The following RAB28 variants were observed in gnomAD, a reference collection of about 807,000 sequenced individuals.
RAB28 encodes the protein ras-related protein Rab-28.
Under a neutral mutation model 31.7 loss-of-function variants are expected in RAB28, and 24 were observed. The ratio of observed to expected loss-of-function variants is 0.76; its 90% CI spans 0.55 to 1.06. The LOEUF (loss-of-function observed/expected upper bound fraction) is 1.06, where lower values mean the gene tolerates loss of function less well. Among genes scored for constraint, RAB28 ranks in the 50% least tolerant of loss-of-function variants. The pLI, the probability that RAB28 is intolerant of heterozygous loss-of-function variation, is 0.00. For missense variants in RAB28, 254 were observed against 258.5 expected (o/e 0.98, Z 0.12); for synonymous variants, 100 against 90.4 (o/e 1.11, Z -0.60).
intron 4 of RAB28, among the ~76,000 whole-genome samples, chr4:13,444,478 A>G (rs1027021448): frequency 1.3e-5 from 2 of 152,214 alleles, no homozygotes; most frequent in South Asian, 4.1e-4. Context: ...TAATGCTGCA[A>G]TGAACTTGGG....
intron 4 of RAB28, among the ~76,000 whole-genome samples, chr4:13,413,299 A>G (rs1038802472): frequency 1.3e-5 from 2 of 152,226 alleles, no homozygotes; most frequent in Non-Finnish European, 2.9e-5. Flanking sequence ...TTAAAAAATC[A>G]AACTTTCCTT....
chr4:13,375,794 CAGAGAGAGAG>C (rs58965843), intron 6 of RAB28, among the ~76,000 whole-genome samples: 2,088 of 148,206 alleles, frequency 0.014, 25 homozygotes, highest in Middle Eastern at 0.046. Context: ...CACACACACA[CAGAGAGAGAG>C]AGAGACCATG....
intron 6 of RAB28, 42 bp from the exon 7 acceptor site, chr4:13,368,692 CATTTAGAAA>C (rs1467045611): frequency 1.3e-6 from 2 of 1,538,370 alleles, no homozygotes; most frequent in South Asian, 2.3e-5. Flanking sequence ...GATATCAGAA[CATTTAGAAA>C]GAGCTCCTTA....
intron 1 of RAB28, among the ~76,000 whole-genome samples, chr4:13,483,380 C>A (rs956561674): frequency 6.6e-6 from 1 of 152,206 alleles, no homozygotes; most frequent in Admixed American, 6.5e-5. Context: ...TCCATAAACA[C>A]TTGTTGACTG....
At chr4:13,425,609 G>A (rs1413954775) in intron 4 of RAB28, among the ~76,000 whole-genome samples, 6 of 151,946 alleles carry the variant, frequency 3.9e-5, no homozygotes, top group East Asian at 1.9e-4. Context: ...CTTAGCAAAC[G>A]GCAAATTTGG....
At chr4:13,402,539 G>GAAACTCATA (rs1246072696) in intron 4 of RAB28, among the ~76,000 whole-genome samples, 6 of 152,172 alleles carry the variant, frequency 3.9e-5, no homozygotes, top group Admixed American at 3.9e-4. Flanking sequence ...TGTTAATATA[G>GAAACTCATA]TTACTTCAAC....
intron 4 of RAB28, among the ~76,000 whole-genome samples, chr4:13,415,351 C>G (rs1712696875): frequency 6.6e-6 from 1 of 152,184 alleles, no homozygotes; most frequent in African/African-American, 2.4e-5. Context: ...CCTTCCTGGG[C>G]TGGCTGAGGC....
At position 13,410,939 on chromosome 4, in the gene RAB28, G is replaced by T. The variant is rs187634027; in HGVS notation, c.392-29345C>A. ...AAGAAAGGGAGAAATAATAAAACAA[G>T]TGCACCTAAATTTTCCTGCTGATAT... On this transcript the variant is annotated intron_variant, in intron 4 of 6. Transcript: ENST00000330852. 5.9e-3 allele frequency among the ~76,000 whole-genome samples: 899 copies of T among 152,072 alleles called. 7 individuals are homozygous for T. Among genetic ancestry groups the T allele is most frequent in the South Asian group, 1.0e-2 (48 of 4,822 alleles).
chr4:13,382,920 G>C (rs1370310021), intron 4 of RAB28, among the ~76,000 whole-genome samples: 1 of 151,978 alleles, frequency 6.6e-6, no homozygotes, highest in Non-Finnish European at 1.5e-5. Context: ...GGTTGGTCTT[G>C]AATTCCTGAC....
intron 4 of RAB28, among the ~76,000 whole-genome samples, chr4:13,415,493 C>T (rs1712712383): frequency 6.6e-6 from 1 of 152,156 alleles, no homozygotes; most frequent in Admixed American, 6.5e-5. Flanking sequence ...CTCAGAGCGC[C>T]CGGCCAGCCC....
At chr4:13,468,088 A>G (rs1383420980) in intron 3 of RAB28, among the ~76,000 whole-genome samples, 1 of 151,956 alleles carries the variant, frequency 6.6e-6, no homozygotes, top group African/African-American at 2.4e-5. Flanking sequence ...ATATGCACCT[A>G]ATAAGAGGGC....
intron 4 of RAB28, among the ~76,000 whole-genome samples, chr4:13,390,491 C>T (rs886935335): frequency 7.2e-5 from 11 of 151,874 alleles, no homozygotes; most frequent in Non-Finnish European, 1.6e-4. Context: ...GCCATACTGC[C>T]CAAGGTAATT....
intron 4 of RAB28, among the ~76,000 whole-genome samples, chr4:13,418,727 T>C (rs1560285126): frequency 6.6e-6 from 1 of 152,144 alleles, no homozygotes; most frequent in Non-Finnish European, 1.5e-5. Flanking sequence ...TCACCAGGCC[T>C]CCCTTACAAG....
At chr4:13,476,059 T>C (rs1716347509) in intron 2 of RAB28, among the ~76,000 whole-genome samples, 1 of 151,558 alleles carries the variant, frequency 6.6e-6, no homozygotes, top group Non-Finnish European at 1.5e-5. Flanking sequence ...ACTTAGTAAG[T>C]GCTAAAAGGT....
chr4:13,399,407 T>C (rs897523673), intron 4 of RAB28, among the ~76,000 whole-genome samples: 6 of 152,254 alleles, frequency 3.9e-5, no homozygotes, highest in Non-Finnish European at 1.5e-5. Context: ...CCATGAATAT[T>C]CTTACTCAGT....
In RAB28 at chr4:13,417,677, T is replaced by C. The variant is rs145407737; in HGVS notation, c.392-36083A>G. Among the ~76,000 whole-genome samples, 570 of 152,172 alleles carry C rather than the reference T, an allele frequency of 3.7e-3. 1 individual carries two copies. Among genetic ancestry groups the C allele is most frequent in the Middle Eastern group, 0.01 (3 of 294 alleles). ...GGGACTGGACTCTTAGAAGGAAAAC[T>C]AACAAACAGAAAGGAACAGCATCAA... On this transcript the variant is annotated intron_variant, in intron 4 of 6. Transcript: ENST00000330852.
Position 13,484,255 on chromosome 4 carries a change from C to A in RAB28, c.-105G>T, listed in dbSNP as rs1261631408. ...GAAGGGAGGTAGTTGCGGCAGGACC[C>A]CCGCCCCGGTGTCTCCGCGCCGGCA... On this transcript the variant is annotated 5_prime_UTR_variant, in exon 1 of 7. Transcript: ENST00000330852. The A allele has an allele frequency of 1.2e-6, 1 of 868,378 alleles. No individual in the cohort carries two copies. Among genetic ancestry groups the A allele is most frequent in the Non-Finnish European group, 1.9e-6 (1 of 533,446 alleles). The allele number at this position is 868,378 out of a possible 1,614,324, so 53.8% of individuals were successfully genotyped here.
At chr4:13,480,229 T>C (rs1025907270) in intron 1 of RAB28, among the ~76,000 whole-genome samples, 4 of 151,798 alleles carry the variant, frequency 2.6e-5, no homozygotes, top group African/African-American at 7.2e-5. Context: ...CTGAAAGTTT[T>C]AGTCAAAAAC....
chr4:13,384,754 A>C (rs1478272230), intron 4 of RAB28, among the ~76,000 whole-genome samples: 1 of 152,226 alleles, frequency 6.6e-6, no homozygotes, highest in Non-Finnish European at 1.5e-5. Flanking sequence ...ATAAGCCCCC[A>C]AAGATGAGAA....
Sources: allele counts gnomAD v4.1 joint callset (sites outside exome capture counted in the v4.1 genomes callset), GRCh38; gene constraint gnomAD v4.1.1; transcripts MANE v1.5; gene names NCBI Gene and HGNC (gene_info 2026-07-23, HGNC 2026-07-21).